The following ZFPM2 variants were observed in gnomAD, a reference collection of about 807,000 sequenced individuals.
ZFPM2 encodes zinc finger protein, FOG family member 2, also known as zinc finger protein ZFPM2.
ZFPM2 carries 20 observed loss-of-function variants against 98.6 expected under a neutral mutation model. The ratio of observed to expected loss-of-function variants is 0.20; its 90% CI spans 0.14 to 0.29. ZFPM2 has a LOEUF of 0.29. ZFPM2 is among the 10% of genes least tolerant of loss of function. The probability of loss-of-function intolerance (pLI) is 1.00; values close to 1 mark genes in which losing one functional copy is unlikely to be tolerated. For synonymous variants in ZFPM2, 518 were observed against 502.7 expected, an observed-to-expected ratio of 1.03 and a Z score of -0.41; for missense variants, 1,310 against 1,388.6, an observed-to-expected ratio of 0.94 and a Z score of 0.90.
At chr8:105,640,868 C>CAT (rs1200663526) in intron 5 of ZFPM2, among the ~76,000 whole-genome samples, 2 of 151,926 alleles carry the variant, frequency 1.3e-5, no homozygotes, top group Non-Finnish European at 2.9e-5. Context: ...AATTTGCGTT[C>CAT]ATATTTTACG....
intron 3 of ZFPM2, among the ~76,000 whole-genome samples, chr8:105,462,115 A>T (rs1429752289): frequency 6.6e-6 from 1 of 152,134 alleles, no homozygotes; most frequent in Non-Finnish European, 1.5e-5. Flanking sequence ...TAAAATTTTG[A>T]GAATTGTTTC....
At chr8:105,364,935 C>T (rs981917496) in intron 1 of ZFPM2, among the ~76,000 whole-genome samples, 1 of 152,026 alleles carries the variant, frequency 6.6e-6, no homozygotes, top group Non-Finnish European at 1.5e-5. Flanking sequence ...CCCGTTTAGT[C>T]CTTCGCTTTC....
rs190025161 is a variant in ZFPM2 at position 105,484,453 on chromosome 8, C to A, written c.301+40072C>A. ...TCAGTTTTAATAGTGATTTGTTATA[C>A]CCTTATGGATGTTTTCATTAATCCT... On this transcript the variant is annotated intron_variant, in intron 3 of 7. Coordinates refer to ENST00000407775, the MANE Select transcript of ZFPM2 (RefSeq NM_012082.4). 3.2e-3 allele frequency among the ~76,000 whole-genome samples: 479 copies of A among 151,948 alleles called. 2 individuals carry two copies. The highest frequency in any genetic ancestry group is 5.0e-3 in the Admixed American group (77 of 15,248).
intron 4 of ZFPM2, among the ~76,000 whole-genome samples, chr8:105,601,010 C>T (rs1050126121): frequency 6.6e-6 from 1 of 152,088 alleles, no homozygotes; most frequent in African/African-American, 2.4e-5. Flanking sequence ...CAGCTTTAAT[C>T]TTCTCCTAAC....
At chr8:105,397,118 T>G (rs1485898591) in intron 1 of ZFPM2, among the ~76,000 whole-genome samples, 2 of 152,132 alleles carry the variant, frequency 1.3e-5, no homozygotes, top group Non-Finnish European at 2.9e-5. Flanking sequence ...TGCCATTTCA[T>G]TAGTTGTATT....
intron 5 of ZFPM2, among the ~76,000 whole-genome samples, chr8:105,700,234 G>T (rs1811111232): frequency 6.6e-6 from 1 of 152,180 alleles, no homozygotes; most frequent in African/African-American, 2.4e-5. Flanking sequence ...AGTGGCTATG[G>T]ATTTTGAAGT....
intron 5 of ZFPM2, among the ~76,000 whole-genome samples, chr8:105,779,147 C>T (rs1283856010): frequency 2.0e-5 from 3 of 152,120 alleles, no homozygotes; most frequent in East Asian, 1.9e-4. Flanking sequence ...AGGATGTATG[C>T]GGTTTGTTTG....
At chr8:105,788,991 T>TA in intron 6 of ZFPM2, 67 bp downstream of exon 6, 1 of 1,348,292 alleles carries the variant, frequency 7.4e-7, no homozygotes, top group South Asian at 1.6e-5. Context: ...AAAAAATGTC[T>TA]ACTGACAAGA....
intron 4 of ZFPM2, among the ~76,000 whole-genome samples, chr8:105,578,980 GTTC>G (rs1344422028): frequency 6.6e-6 from 1 of 151,934 alleles, no homozygotes; most frequent in Non-Finnish European, 1.5e-5. Context: ...TATTCTGTGC[GTTC>G]TTATTTATTA....
chr8:105,503,230 C>T (rs1443764436), intron 3 of ZFPM2, among the ~76,000 whole-genome samples: 1 of 152,256 alleles, frequency 6.6e-6, no homozygotes, highest in East Asian at 1.9e-4. Context: ...TATTCATAAA[C>T]TCTATAGAAA....
chr8:105,690,459 G>A (rs1399070552), intron 5 of ZFPM2, among the ~76,000 whole-genome samples: 1 of 152,118 alleles, frequency 6.6e-6, no homozygotes, highest in Non-Finnish European at 1.5e-5. Context: ...TATCGAGAAG[G>A]ACACCGGACA....
chr8:105,488,064 C>T (rs1398824942), intron 3 of ZFPM2, among the ~76,000 whole-genome samples: 3 of 151,908 alleles, frequency 2.0e-5, no homozygotes, highest in Non-Finnish European at 4.4e-5. Context: ...CTCCCATTAC[C>T]GAGATCCCCC....
chr8:105,554,122 A>T (rs1186648717), intron 3 of ZFPM2, among the ~76,000 whole-genome samples: 1 of 152,208 alleles, frequency 6.6e-6, no homozygotes, highest in African/African-American at 2.4e-5. Context: ...TAGAAAAAGT[A>T]TCTCTATAAG....
At chr8:105,624,741 A>G (rs928885510) in intron 4 of ZFPM2, among the ~76,000 whole-genome samples, 5 of 152,180 alleles carry the variant, frequency 3.3e-5, no homozygotes, top group African/African-American at 9.7e-5. Context: ...TGAAATTCCT[A>G]TATTCAAGCA....
At chr8:105,604,946 A>G (rs1424355261) in intron 4 of ZFPM2, among the ~76,000 whole-genome samples, 1 of 152,092 alleles carries the variant, frequency 6.6e-6, no homozygotes, top group Admixed American at 6.6e-5. Context: ...AACACATCAA[A>G]TAAATATTTG....
chr8:105,578,254 C>T (rs1815511297), intron 4 of ZFPM2, among the ~76,000 whole-genome samples: 1 of 152,028 alleles, frequency 6.6e-6, no homozygotes, highest in African/African-American at 2.4e-5. Flanking sequence ...CATTTTGCAT[C>T]TTCTTGATAG....
At chr8:105,330,593 T>TATAC (rs1491107072) in intron 1 of ZFPM2, among the ~76,000 whole-genome samples, 2,226 of 40,320 alleles carry the variant, frequency 0.055, 100 homozygotes, top group African/African-American at 0.2. Flanking sequence ...TATATATATA[T>TATAC]ACATATATAT....
intron 4 of ZFPM2, among the ~76,000 whole-genome samples, chr8:105,619,404 G>T (rs1436758036): frequency 1.3e-5 from 2 of 151,932 alleles, no homozygotes; most frequent in Non-Finnish European, 2.9e-5. Context: ...ACATCTTGAA[G>T]AAATGTAACT....
At chr8:105,696,126 G>A (rs911323432) in intron 5 of ZFPM2, among the ~76,000 whole-genome samples, 1 of 152,086 alleles carries the variant, frequency 6.6e-6, no homozygotes, top group African/African-American at 2.4e-5. Context: ...ACCTTATTTT[G>A]AGAGTCTCTG....
Sources: gnomAD v4.1 joint callset for allele counts (sites outside exome capture counted in the v4.1 genomes callset) on GRCh38, gnomAD v4.1.1 for gene constraint, MANE v1.5 for transcripts, NCBI Gene and HGNC (gene_info 2026-07-23, HGNC 2026-07-21) for gene names.